FAM83B: variants seen among roughly 807,000 people sequenced by gnomAD.
The protein encoded by FAM83B is scaffolding CK1 anchoring protein B, also known as protein FAM83B.
Under a neutral mutation model 38.8 loss-of-function variants are expected in FAM83B, and 26 were observed. The observed-to-expected ratio is 0.67, with a 90% CI of 0.49 to 0.93. FAM83B has a LOEUF of 0.93. Ranked by LOEUF, FAM83B falls within the 40% of genes least tolerant of loss-of-function variation. The pLI is 0.00. For synonymous variants in FAM83B, 419 were observed against 423.1 expected, an observed-to-expected ratio of 0.99 and a Z score of 0.12; for missense variants, 1,237 against 1,197.3, an observed-to-expected ratio of 1.03 and a Z score of -0.49.
chr6:54,919,134 A>T (rs1481654113), intron 2 of FAM83B, among the ~76,000 whole-genome samples: 1 of 151,942 alleles, frequency 6.6e-6, no homozygotes, highest in Non-Finnish European at 1.5e-5. Context: ...TGAAATCAGT[A>T]AAAAAAACTA....
At chr6:54,872,275 G>T (rs1771875301) in intron 2 of FAM83B, among the ~76,000 whole-genome samples, 1 of 152,116 alleles carries the variant, frequency 6.6e-6, no homozygotes, top group African/African-American at 2.4e-5. Context: ...ATTGAACCAT[G>T]AATATTTTTT....
chr6:54,923,014 T>C (rs887618112), intron 2 of FAM83B, among the ~76,000 whole-genome samples: 4 of 152,108 alleles, frequency 2.6e-5, no homozygotes, highest in African/African-American at 9.7e-5. Flanking sequence ...GTGTTTTTAA[T>C]TTTTTAATCT....
chr6:54,941,020 T>C lies in FAM83B; in HGVS notation c.2049T>C (p.Tyr683=). The C allele has an allele frequency of 6.2e-7, 1 of 1,613,940 alleles. No individual in the cohort carries two copies. The highest frequency in any genetic ancestry group is 8.5e-7 in the Non-Finnish European group (1 of 1,179,972). Residue 683 remains tyrosine (Y), a synonymous_variant, in exon 5 of 5, where the codon TAT becomes TAC. Coordinates refer to ENST00000306858, the MANE Select transcript of FAM83B (RefSeq NM_001010872.3). ...ANLDPGNSKH[Y]VYSTLTRNRV... ...TAGATCCTGGAAATAGTAAGCATTA[T>C]GTATATAGTACACTTACCAGGAATC...
In FAM83B at chr6:54,940,599, C is replaced by A; in HGVS notation, c.1628C>A (p.Ser543Tyr). The A allele has an allele frequency of 3.1e-6, 5 of 1,614,050 alleles. No homozygotes were observed. Among genetic ancestry groups the A allele is most frequent in the Non-Finnish European group, 3.4e-6 (4 of 1,180,004 alleles). ...TATACTCATTCTCGGCTTCGTTCCT[C>A]TTTAGTATTTAAACCCACTTTACCT... is the stretch of plus-strand genomic sequence containing the variant. ...ALYTHSRLRSSLVFKPTLPEQ... is the reference protein window; with the variant it reads ...ALYTHSRLRSYLVFKPTLPEQ... The change falls in exon 5 of 5, where the codon TCT (serine) becomes TAT (tyrosine). Residue 543 changes from serine to tyrosine, a missense_variant. Coordinates refer to ENST00000306858, the MANE Select transcript of FAM83B (RefSeq NM_001010872.3).
intron 4 of FAM83B, among the ~76,000 whole-genome samples, chr6:54,932,007 CTTTTTTTT>C (rs377085448): frequency 4.1e-4 from 37 of 89,188 alleles, no homozygotes; most frequent in African/African-American, 1.8e-3. Flanking sequence ...TTACATAAAA[CTTTTTTTT>C]TTTTTTTTTT....
intron 2 of FAM83B, among the ~76,000 whole-genome samples, chr6:54,910,233 C>T (rs563421245): frequency 2.8e-4 from 42 of 152,104 alleles, no homozygotes; most frequent in Non-Finnish European, 5.4e-4. Context: ...ATACAGATGT[C>T]TGTAATTGAC....
At chr6:54,882,248 G>T (rs1772150018) in intron 2 of FAM83B, among the ~76,000 whole-genome samples, 1 of 152,112 alleles carries the variant, frequency 6.6e-6, no homozygotes, top group African/African-American at 2.4e-5. Context: ...GTATCATGTT[G>T]CTTCTCTAGT....
At chr6:54,938,250 T>G (rs191055976) in intron 4 of FAM83B, among the ~76,000 whole-genome samples, 1 of 152,320 alleles carries the variant, frequency 6.6e-6, no homozygotes, top group African/African-American at 2.4e-5. Context: ...CATACCACAT[T>G]TCTTTATCCA....
chr6:54,893,936 C>G (rs1772461616), intron 2 of FAM83B, among the ~76,000 whole-genome samples: 1 of 152,174 alleles, frequency 6.6e-6, no homozygotes, highest in African/African-American at 2.4e-5. Flanking sequence ...ATTTGACATT[C>G]TAATCACTTG....
At chr6:54,853,054 C>T (rs1395509512) in intron 1 of FAM83B, among the ~76,000 whole-genome samples, 1 of 152,064 alleles carries the variant, frequency 6.6e-6, no homozygotes, top group African/African-American at 2.4e-5. Context: ...CTGGATAGAT[C>T]AAGCCAGCCA....
chr6:54,941,806 C>T lies in FAM83B; in HGVS notation c.2835C>T (p.Ser945=). 5.6e-6 allele frequency: 9 copies of T among 1,614,058 alleles called. No individual in the cohort carries two copies. Among genetic ancestry groups the T allele is most frequent in the Non-Finnish European group, 7.6e-6 (9 of 1,179,992 alleles). ...TTGAGCCGTTTTGTAAGATTGAGAGCTCTATTCAGCCAACAAGCAACATGC... is the reference window on the plus strand; with the variant it reads ...TTGAGCCGTTTTGTAAGATTGAGAGTTCTATTCAGCCAACAAGCAACATGC... ...SRFEPFCKIE[S]SIQPTSNMPN... The change falls in exon 5 of 5, where the codon AGC becomes AGT. Residue 945 remains serine, a synonymous_variant. Transcript: ENST00000306858.
At chr6:54,915,528 C>G (rs528383871) in intron 2 of FAM83B, among the ~76,000 whole-genome samples, 1 of 91,248 alleles carries the variant, frequency 1.1e-5, no homozygotes, top group East Asian at 2.0e-4. Flanking sequence ...CATTTCTGGC[C>G]GGGCGCGGTG....
At chr6:54,936,826 T>C (rs1773533600) in intron 4 of FAM83B, among the ~76,000 whole-genome samples, 1 of 151,330 alleles carries the variant, frequency 6.6e-6, no homozygotes, top group Non-Finnish European at 1.5e-5. Flanking sequence ...TTCCATTACT[T>C]GATGTTTCTA....
chr6:54,889,198 GA>G (rs1425399827), intron 2 of FAM83B, among the ~76,000 whole-genome samples: 1 of 151,938 alleles, frequency 6.6e-6, no homozygotes, highest in African/African-American at 2.4e-5. Flanking sequence ...GTCTGTTTTT[GA>G]TAACACCAAT....
intron 2 of FAM83B, among the ~76,000 whole-genome samples, chr6:54,890,797 A>G (rs1772384149): frequency 6.6e-6 from 1 of 152,122 alleles, no homozygotes; most frequent in African/African-American, 2.4e-5. Flanking sequence ...CATGTGCATT[A>G]ATGTTTTAAA....
chr6:54,939,808 A>T lies in FAM83B; in HGVS notation c.837A>T (p.Arg279Ser), dbSNP rs1248588603. The T allele has an allele frequency of 1.2e-6, 2 of 1,614,004 alleles. No homozygotes were observed. Among genetic ancestry groups the T allele is most frequent in the Middle Eastern group, 1.6e-4 (1 of 6,062 alleles). The change falls in exon 5 of 5, where the codon AGA becomes AGT. Residue 279 changes from arginine to serine, a missense_variant. Arg to Ser is a moderately radical substitution (Grantham distance 110). Transcript: ENST00000306858. ...FDEEFRTLYA[R>S]SCVPSSFAQE... The stretch of plus-strand genomic sequence containing the variant: ...AAGAATTTAGAACTCTCTATGCCAG[A>T]TCCTGTGTCCCTAGTTCATTTGCTC...
chr6:54,922,209 T>G (rs1773188064), intron 2 of FAM83B, among the ~76,000 whole-genome samples: 1 of 152,038 alleles, frequency 6.6e-6, no homozygotes, highest in Non-Finnish European at 1.5e-5. Flanking sequence ...AATGTGTTTT[T>G]GTTCACTTCC....
intron 2 of FAM83B, among the ~76,000 whole-genome samples, chr6:54,880,220 A>G (rs1244927241): frequency 6.6e-6 from 1 of 152,222 alleles, no homozygotes; most frequent in African/African-American, 2.4e-5. Context: ...CATAGGAAAT[A>G]TATAGGTAAA....
chr6:54,882,910 C>T (rs115653841), intron 2 of FAM83B, among the ~76,000 whole-genome samples: 1,534 of 152,052 alleles, frequency 0.01, 32 homozygotes, highest in African/African-American at 0.033. Flanking sequence ...TTCAGTTAGT[C>T]ATCCTCTATA....
Sources: allele counts gnomAD v4.1 joint callset (sites outside exome capture counted in the v4.1 genomes callset), GRCh38; gene constraint gnomAD v4.1.1; transcripts MANE v1.5; gene names NCBI Gene and HGNC (gene_info 2026-07-23, HGNC 2026-07-21).